Variants in GMEB2 observed in about 807,000 individuals in gnomAD.
GMEB2 encodes the protein glucocorticoid modulatory element-binding protein 2.
Under a neutral mutation model 45.7 loss-of-function variants are expected in GMEB2, and 7 were observed. That is an observed-to-expected ratio of 0.15 (90% CI 0.09 to 0.29). GMEB2 has a LOEUF of 0.29. Among genes scored for constraint, GMEB2 ranks in the 10% least tolerant of loss-of-function variants. The pLI is 1.00. For synonymous variants in GMEB2, 322 were observed against 323.6 expected, an observed-to-expected ratio of 1.00 and a Z score of 0.05; for missense variants, 582 against 739.2, an observed-to-expected ratio of 0.79 and a Z score of 2.47.
chr20:63,621,667 CAAAAAAAAAAAA>C (rs56222018), intron 1 of GMEB2, among the ~76,000 whole-genome samples: 17,880 of 54,486 alleles, frequency 0.33, 1,503 homozygotes, highest in East Asian at 0.6. Context: ...AACTCCATCT[CAAAAAAAAAAAA>C]AAAAAAAAAA....
chr20:63,623,027 G>A (rs1378094205), intron 1 of GMEB2, among the ~76,000 whole-genome samples: 1 of 152,144 alleles, frequency 6.6e-6, no homozygotes, highest in East Asian at 1.9e-4. Context: ...GGCTCCACAG[G>A]AACACTACTC....
At position 63,594,406 on chromosome 20, in the gene GMEB2, CTA is replaced by C. The variant is rs1191287547; in HGVS notation, c.619+1202_619+1203del. On this transcript the variant is annotated intron_variant, in intron 6 of 9. Transcript: ENST00000370077. ...GGGAGGACAGACAGGAGGCTGGGCT[CTA>C]CCCAGCCCCTCTGACCACAGCAGCC... Among the ~76,000 whole-genome samples, 3 of 152,352 alleles carry C rather than the reference CTA, an allele frequency of 2.0e-5. No homozygotes were observed. In the East Asian group the frequency reaches 5.8e-4, roughly 29 times the overall value.
intron 2 of GMEB2, among the ~76,000 whole-genome samples, chr20:63,614,773 GTCTC>G (rs532008725): frequency 7.3e-5 from 11 of 151,580 alleles, no homozygotes; most frequent in Admixed American, 3.9e-4. Context: ...GGCGTAAGCG[GTCTC>G]TCTCTCTCTC....
chr20:63,593,105 G>C lies in GMEB2; in HGVS notation c.620-23C>G. On this transcript the variant is annotated intron_variant, in intron 6 of 9. Transcript: ENST00000370077. This position sits in a 1 kb window ranked among gnomAD's most constrained non-coding sequence, Gnocchi z 4.7. ...TCACTGCAGCCGAAAGGGAACCTCG[G>C]GTGAGTGCTGTTTGGACCACAGTCC... 1 of 1,525,652 alleles carries C rather than the reference G, an allele frequency of 6.6e-7. No individual in the cohort carries two copies. Among genetic ancestry groups the C allele is most frequent in the Non-Finnish European group, 9.1e-7 (1 of 1,103,708 alleles). The allele number at this position is 1,525,652 out of a possible 1,614,324, so 94.5% of individuals were successfully genotyped here. A position where few individuals can be genotyped will look rare whatever the true frequency, so the allele number is the denominator to read the frequency against.
intron 4 of GMEB2, among the ~76,000 whole-genome samples, chr20:63,600,489 G>A (rs1343341457): frequency 6.6e-6 from 1 of 151,366 alleles, no homozygotes; most frequent in Non-Finnish European, 1.5e-5. Context: ...AGGCCAAGGC[G>A]GGCAGGTCAC....
Position 63,621,667 on chromosome 20 carries a change from CAAAAAAAAAAAAAAAA to C in GMEB2, c.-57-2229_-57-2214del, listed in dbSNP as rs56222018. ...GGGCAACAAGAGCGAAACTCCATCT[CAAAAAAAAAAAAAAAA>C]AAAAAAAAAAAAAAGTTTAAAATGG... On this transcript the variant is annotated intron_variant, in intron 1 of 9. Transcript: ENST00000370077. 2.2e-4 allele frequency among the ~76,000 whole-genome samples: 12 copies of C among 54,610 alleles called. 1 individual carries two copies. The highest frequency in any genetic ancestry group is 3.0e-4 in the Non-Finnish European group (10 of 32,858). 35.8% of individuals were successfully genotyped at this position (54,610 alleles called of 152,430 possible). A position where few individuals can be genotyped will look rare whatever the true frequency, so the allele number is the denominator to read the frequency against.
chr20:63,602,066 C>T (rs1160741959), intron 4 of GMEB2, among the ~76,000 whole-genome samples: 1 of 152,166 alleles, frequency 6.6e-6, no homozygotes, highest in African/African-American at 2.4e-5. Flanking sequence ...GGCTTCTGCT[C>T]CAGGAGCACT....
intron 2 of GMEB2, among the ~76,000 whole-genome samples, chr20:63,615,048 A>G (rs929577567): frequency 1.3e-5 from 2 of 151,988 alleles, no homozygotes; most frequent in Non-Finnish European, 2.9e-5. Flanking sequence ...TCATCTCCGC[A>G]TACGAGGAGA....
At chr20:63,598,991 T>C (rs2083220833) in intron 4 of GMEB2, among the ~76,000 whole-genome samples, 1 of 152,198 alleles carries the variant, frequency 6.6e-6, no homozygotes, top group Non-Finnish European at 1.5e-5. Flanking sequence ...GCTTTCACCT[T>C]TGTTACTCTT....
intron 3 of GMEB2, among the ~76,000 whole-genome samples, chr20:63,604,075 A>AT (rs2089498946): frequency 1.5e-5 from 2 of 137,302 alleles, no homozygotes; most frequent in East Asian, 4.4e-4. Context: ...AAAAAACAGA[A>AT]TTTTTACTGG....
chr20:63,621,356 A>G (rs1044933553), intron 1 of GMEB2, among the ~76,000 whole-genome samples: 1 of 152,186 alleles, frequency 6.6e-6, no homozygotes, highest in Admixed American at 6.6e-5. Flanking sequence ...GGCTGTTCTG[A>G]ATGGTGCTGA....
chr20:63,595,348 G>A (rs1033019358), intron 6 of GMEB2, among the ~76,000 whole-genome samples: 1 of 152,214 alleles, frequency 6.6e-6, no homozygotes, highest in Non-Finnish European at 1.5e-5. Context: ...TTCCCCACAC[G>A]TGAGTTATTA....
Position 63,589,516 on chromosome 20 carries a change from T to G in GMEB2, c.*573A>C, listed in dbSNP as rs1202678892. ...CAGGATCTGCACCCCAAGCTCCGGGTGCATGTTCCCAACTGGAGGAGAACG... is the reference window on the plus strand; with the variant it reads ...CAGGATCTGCACCCCAAGCTCCGGGGGCATGTTCCCAACTGGAGGAGAACG... On this transcript the variant is annotated 3_prime_UTR_variant, in exon 10 of 10. Coordinates refer to ENST00000370077, the MANE Select transcript of GMEB2 (RefSeq NM_012384.5). 7.8e-6 allele frequency: 2 copies of G among 256,596 alleles called. No individual in the cohort carries two copies. The highest frequency in any genetic ancestry group is 4.4e-5 in the African/African-American group (2 of 45,246). 15.9% of individuals were successfully genotyped at this position (256,596 alleles called of 1,614,324 possible). A position where few individuals can be genotyped will look rare whatever the true frequency, so the allele number is the denominator to read the frequency against.
intron 1 of GMEB2, among the ~76,000 whole-genome samples, chr20:63,622,719 C>A (rs1266959093): frequency 6.6e-6 from 1 of 152,198 alleles, no homozygotes; most frequent in East Asian, 1.9e-4. Context: ...TCGCAAATGG[C>A]AGCCAGTCTC....
chr20:63,619,192 G>A lies in GMEB2; in HGVS notation c.131+75C>T, dbSNP rs949185097. 16 of 1,396,768 alleles carry A rather than the reference G, an allele frequency of 1.1e-5. No individual in the cohort carries two copies. Among genetic ancestry groups the A allele is most frequent in the African/African-American group, 5.8e-5 (4 of 68,626 alleles). The allele number at this position is 1,396,768 out of a possible 1,614,324, so 86.5% of individuals were successfully genotyped here. On this transcript the variant is annotated intron_variant, in intron 2 of 9. Coordinates refer to ENST00000370077, the MANE Select transcript of GMEB2 (RefSeq NM_012384.5). This position sits in a 1 kb window ranked among gnomAD's most constrained non-coding sequence, Gnocchi z 4.6. ...AATCCTGACACTTGTCCCTTACTAC[G>A]TTAATGCCAGCTGTGCCAAGGACAG...
chr20:63,626,275 C>T (rs370506127), intron 1 of GMEB2, among the ~76,000 whole-genome samples: 764 of 25,614 alleles, frequency 0.03, 6 homozygotes, highest in Middle Eastern at 0.15. Context: ...TGCCGGGTGG[C>T]CCCTGCGGGT....
In GMEB2 at chr20:63,592,867, C is replaced by A; in HGVS notation, c.691+144G>T. 1 of 720,358 alleles carries A rather than the reference C, an allele frequency of 1.4e-6. No individual in the cohort carries two copies. The highest frequency in any genetic ancestry group is 2.5e-6 in the Non-Finnish European group (1 of 407,958). 44.6% of individuals were successfully genotyped at this position (720,358 alleles called of 1,614,324 possible). A position where few individuals can be genotyped will look rare whatever the true frequency, so the allele number is the denominator to read the frequency against. ...CAGGTCAGCCTCAGAGCGCCCACGA[C>A]AATGCTGCTGGAACCAGGCCTTTCT... On this transcript the variant is annotated intron_variant, in intron 7 of 9. Transcript: ENST00000370077. The surrounding 1 kb of genome is among the most constrained non-coding windows in gnomAD (Gnocchi z 8.2).
In GMEB2 at chr20:63,593,875, C is replaced by T. The variant is rs118164013; in HGVS notation, c.620-793G>A. 0.012 allele frequency among the ~76,000 whole-genome samples: 1,782 copies of T among 152,302 alleles called. 24 individuals are homozygous for T. The highest frequency in any genetic ancestry group is 0.02 in the Middle Eastern group (6 of 294). ...CGTCTCTACTAAAATACAAAGTCAACCGGGTGTGGCGGCGTGCGCCTGTAA... is the reference window on the plus strand; with the variant it reads ...CGTCTCTACTAAAATACAAAGTCAATCGGGTGTGGCGGCGTGCGCCTGTAA... On this transcript the variant is annotated intron_variant, in intron 6 of 9. Transcript: ENST00000370077. This position sits in a 1 kb window ranked among gnomAD's most constrained non-coding sequence, Gnocchi z 4.7.
At chr20:63,600,717 C>A (rs79170119) in intron 4 of GMEB2, among the ~76,000 whole-genome samples, 78 of 84,580 alleles carry the variant, frequency 9.2e-4, no homozygotes, top group South Asian at 1.7e-3. Flanking sequence ...GACTCCATCT[C>A]AAAAAAAAAA....
Sources: allele counts gnomAD v4.1 joint callset (sites outside exome capture counted in the v4.1 genomes callset), GRCh38; gene constraint gnomAD v4.1.1; non-coding constraint Gnocchi (gnomAD v3.1); transcripts MANE v1.5; gene names NCBI Gene and HGNC (gene_info 2026-07-23, HGNC 2026-07-21).